The following CENPC variants were observed in gnomAD, a reference collection of about 807,000 sequenced individuals.
The protein encoded by CENPC is CENP-C 1.
Under a neutral mutation model 112.1 loss-of-function variants are expected in CENPC, and 63 were observed. The observed-to-expected ratio is 0.56, with a 90% CI of 0.46 to 0.69. The LOEUF is 0.69. Ranked by LOEUF, CENPC falls within the 30% of genes least tolerant of loss-of-function variation. The pLI is 0.00. For missense variants in CENPC, 1,000 were observed against 1,103.8 expected (o/e 0.91, Z 1.33); for synonymous variants, 333 against 367.6 (o/e 0.91, Z 1.08).
chr4:67,514,746 T>G, intron 7 of CENPC, 59 bp from the exon 8 acceptor site: 1 of 1,425,546 alleles, frequency 7.0e-7, no homozygotes, highest in Non-Finnish European at 9.3e-7. Context: ...ATTTGTTTAG[T>G]AAAGAAAATA....
chr4:67,525,065 A>C (rs1220138795), intron 5 of CENPC, among the ~76,000 whole-genome samples: 2 of 152,190 alleles, frequency 1.3e-5, no homozygotes, highest in African/African-American at 4.8e-5. Flanking sequence ...TGACAAAAAC[A>C]AGCAATGAGG....
chr4:67,469,070 T>C lies in CENPC; in HGVS notation c.*3535A>G, dbSNP rs1280813594. On this transcript the variant is annotated 3_prime_UTR_variant, in exon 19 of 19. Coordinates refer to ENST00000273853, the MANE Select transcript of CENPC (RefSeq NM_001812.4). The stretch of plus-strand genomic sequence containing the variant: ...GAACTATACACATGCATTGTATCCT[T>C]GCCAAATTCCTGTTTTCTGCATTGT... 3 of 152,348 alleles carry C rather than the reference T, an allele frequency of 2.0e-5. No individual in the cohort carries two copies. The highest frequency in any genetic ancestry group is 4.8e-5 in the African/African-American group (2 of 41,588). 9.4% of individuals were successfully genotyped at this position (152,348 alleles called of 1,614,324 possible). A position where few individuals can be genotyped will look rare whatever the true frequency, so the allele number is the denominator to read the frequency against.
intron 5 of CENPC, among the ~76,000 whole-genome samples, chr4:67,524,909 C>T (rs188278633): frequency 3.3e-5 from 5 of 152,318 alleles, no homozygotes; most frequent in Admixed American, 3.3e-4. Context: ...AGGCATCACA[C>T]TACCTGGCTT....
intron 2 of CENPC, among the ~76,000 whole-genome samples, chr4:67,541,530 G>A (rs1193937731): frequency 2.0e-5 from 3 of 152,086 alleles, no homozygotes. Flanking sequence ...TAGATTCACA[G>A]CCAGCTATAC....
intron 14 of CENPC, chr4:67,493,258 G>T: frequency 4.9e-6 from 1 of 202,736 alleles, no homozygotes; most frequent in Non-Finnish European, 9.6e-6. Context: ...ATCAGTGGAG[G>T]CTTTTAAAAA....
intron 16 of CENPC, among the ~76,000 whole-genome samples, chr4:67,490,611 G>C (rs999372398): frequency 2.6e-5 from 4 of 151,624 alleles, no homozygotes; most frequent in Non-Finnish European, 5.9e-5. Flanking sequence ...CATGCCAATA[G>C]ATTTTTTTTC....
chr4:67,528,543 C>G (rs1487287718), intron 5 of CENPC, among the ~76,000 whole-genome samples: 1 of 152,146 alleles, frequency 6.6e-6, no homozygotes, highest in Non-Finnish European at 1.5e-5. Flanking sequence ...ATTATAAATA[C>G]CTCATGTAAG....
chr4:67,527,137 G>A (rs769386983), intron 5 of CENPC, among the ~76,000 whole-genome samples: 5 of 152,142 alleles, frequency 3.3e-5, no homozygotes, highest in Non-Finnish European at 5.9e-5. Context: ...CAACAGTGCT[G>A]AGGGGGAAAT....
rs969784972 is a variant in CENPC, at chr4:67,522,546, G to T, written c.332-3044C>A. 2.8e-4 allele frequency among the ~76,000 whole-genome samples: 42 copies of T among 152,204 alleles called. 1 individual carries two copies. Among genetic ancestry groups the T allele is most frequent in the Admixed American group, 2.7e-3 (42 of 15,286 alleles). On this transcript the variant is annotated intron_variant, in intron 5 of 18. Coordinates refer to ENST00000273853, the MANE Select transcript of CENPC (RefSeq NM_001812.4). ...AATAAGAAAGACAGGAAGAGAGAGA[G>T]AGAAGGAGAGAGAGATCCAGCATGC...
At chr4:67,481,217 T>G (rs570829026) in intron 17 of CENPC, among the ~76,000 whole-genome samples, 8 of 152,028 alleles carry the variant, frequency 5.3e-5, no homozygotes, top group African/African-American at 1.9e-4. Flanking sequence ...TAATAATAAT[T>G]TGGAATATAC....
At chr4:67,542,802 T>C (rs564312587) in intron 2 of CENPC, among the ~76,000 whole-genome samples, 2 of 152,212 alleles carry the variant, frequency 1.3e-5, no homozygotes, top group African/African-American at 4.8e-5. Context: ...CACCCCAAAA[T>C]ACCACCTACA....
chr4:67,537,479 G>A (rs1467252651), intron 4 of CENPC, among the ~76,000 whole-genome samples: 2 of 152,088 alleles, frequency 1.3e-5, no homozygotes, highest in Non-Finnish European at 2.9e-5. Flanking sequence ...AACACAGTGA[G>A]ACCCTGCCTC....
At chr4:67,509,142 T>C in intron 9 of CENPC, 37 bp from the exon 10 acceptor site, 1 of 1,526,028 alleles carries the variant, frequency 6.6e-7, no homozygotes, top group Non-Finnish European at 8.8e-7. Flanking sequence ...TTAGTAAGTT[T>C]GTCCAGATGA....
At chr4:67,477,052 A>G (rs574603400) in intron 17 of CENPC, among the ~76,000 whole-genome samples, 1 of 152,212 alleles carries the variant, frequency 6.6e-6, no homozygotes, top group South Asian at 2.1e-4. Flanking sequence ...ACACCTAATC[A>G]ATCCTACCTG....
At chr4:67,493,372 C>T (rs1725337957) in intron 14 of CENPC, 1 of 167,436 alleles carries the variant, frequency 6.0e-6, no homozygotes, top group African/African-American at 2.4e-5. Context: ...TATGGCCAGG[C>T]ACAGTGGCTC....
chr4:67,538,105 G>A (rs1362533994), intron 4 of CENPC, among the ~76,000 whole-genome samples: 1 of 152,096 alleles, frequency 6.6e-6, no homozygotes, highest in Non-Finnish European at 1.5e-5. Context: ...CACTTCAGGA[G>A]AAAAGAGACA....
chr4:67,507,169 A>C (rs1725759546), intron 10 of CENPC, among the ~76,000 whole-genome samples: 1 of 152,160 alleles, frequency 6.6e-6, no homozygotes, highest in Non-Finnish European at 1.5e-5. Context: ...ACACCTGCCA[A>C]GGAAGGTGGT....
chr4:67,504,775 T>C (rs1725687903), intron 12 of CENPC, among the ~76,000 whole-genome samples: 3 of 152,016 alleles, frequency 2.0e-5, no homozygotes, highest in African/African-American at 4.8e-5. Flanking sequence ...TGAGCTGAGA[T>C]TGCACCACTG....
At chr4:67,527,784 C>T (rs998527613) in intron 5 of CENPC, among the ~76,000 whole-genome samples, 2 of 151,760 alleles carry the variant, frequency 1.3e-5, no homozygotes, top group African/African-American at 2.4e-5. Context: ...TATAGGCCTA[C>T]GCCACAGTGC....
Sources: gnomAD v4.1 joint callset for allele counts (sites outside exome capture counted in the v4.1 genomes callset) on GRCh38, gnomAD v4.1.1 for gene constraint, MANE v1.5 for transcripts, NCBI Gene and HGNC (gene_info 2026-07-23, HGNC 2026-07-21) for gene names.